WAPL: variants seen among roughly 807,000 people sequenced by gnomAD.
WAPL encodes wings apart-like protein homolog.
A neutral mutation model predicts 121.0 loss-of-function variants in WAPL; 5 were observed. The ratio of observed to expected loss-of-function variants is 0.04; its 90% CI spans 0.02 to 0.09. The LOEUF (loss-of-function observed/expected upper bound fraction) is 0.09, where lower values mean the gene tolerates loss of function less well. Ranked by LOEUF, WAPL falls within the 10% of genes least tolerant of loss-of-function variation. The probability of loss-of-function intolerance (pLI) is 1.00; values close to 1 mark genes in which losing one functional copy is unlikely to be tolerated. For missense variants in WAPL, 999 were observed against 1,410.8 expected (o/e 0.71, Z 4.68); for synonymous variants, 480 against 481.5 (o/e 1.00, Z 0.04).
Position 86,500,029 on chromosome 10 carries a change from G to A in WAPL, c.1214C>T (p.Ala405Val), listed in dbSNP as rs367842453. ...AGRLRKKADIATSKTTTRFRP... is the reference protein window; with the variant it reads ...AGRLRKKADIVTSKTTTRFRP... The stretch of plus-strand genomic sequence containing the variant: ...AAATCTAGTAGTAGTCTTAGAAGTT[G>A]CAATATCTGCCTTTTTTCTGAGACG... The change falls in exon 3 of 19, where the codon GCA becomes GTA. Residue 405 changes from alanine to valine, a missense_variant. Around this residue, in one of 7 missense-constraint regions of WAPL, gnomAD observed 531 missense variants for 563.1 expected, o/e 0.94. Coordinates refer to ENST00000298767, the MANE Select transcript of WAPL (RefSeq NM_015045.5). 1 of 1,613,992 alleles carries A rather than the reference G, an allele frequency of 6.2e-7. No homozygotes were observed. Among genetic ancestry groups the A allele is most frequent in the African/African-American group, 1.3e-5 (1 of 74,906 alleles).
intron 2 of WAPL, among the ~76,000 whole-genome samples, chr10:86,515,765 C>T (rs560988528): frequency 5.1e-4 from 77 of 151,094 alleles, no homozygotes; most frequent in Non-Finnish European, 8.4e-4. Context: ...CTGGGCAACA[C>T]AGCGAGACTG....
intron 4 of WAPL, among the ~76,000 whole-genome samples, chr10:86,481,629 T>G (rs982925488): frequency 2.6e-5 from 4 of 152,114 alleles, no homozygotes; most frequent in African/African-American, 9.7e-5. Flanking sequence ...TGCTTTGGCA[T>G]CCCAAAGAGC....
intron 15 of WAPL, among the ~76,000 whole-genome samples, chr10:86,447,194 A>G (rs1849644706): frequency 6.6e-6 from 1 of 152,242 alleles, no homozygotes; most frequent in Admixed American, 6.5e-5. Context: ...CTGCTCTAAC[A>G]GCTAATGTAA....
chr10:86,470,558 C>T (rs1841514112), intron 8 of WAPL, among the ~76,000 whole-genome samples: 1 of 152,132 alleles, frequency 6.6e-6, no homozygotes, highest in South Asian at 2.1e-4. Context: ...TATTCCTTAT[C>T]ACAATGAGGC....
chr10:86,455,540 C>T (rs1487202593), intron 12 of WAPL, among the ~76,000 whole-genome samples: 1 of 151,910 alleles, frequency 6.6e-6, no homozygotes, highest in African/African-American at 2.4e-5. Context: ...GACACAAACA[C>T]AAGGAAGGCC....
chr10:86,514,855 AC>A (rs1198773167), intron 2 of WAPL, among the ~76,000 whole-genome samples: 3 of 152,202 alleles, frequency 2.0e-5, no homozygotes, highest in African/African-American at 7.2e-5. Flanking sequence ...TCCTCAAAAG[AC>A]CATACACTTA....
intron 4 of WAPL, among the ~76,000 whole-genome samples, chr10:86,474,353 A>G (rs759323124): frequency 9.9e-5 from 15 of 152,020 alleles, no homozygotes; most frequent in Non-Finnish European, 2.1e-4. Context: ...ATCTCTACTA[A>G]AAATAAAAAA....
intron 10 of WAPL, 123 bp downstream of exon 10, chr10:86,461,052 TA>T: frequency 2.4e-6 from 2 of 821,930 alleles, no homozygotes; most frequent in Non-Finnish European, 3.6e-6. Flanking sequence ...AGGATGCAAC[TA>T]AAAAATAATA....
chr10:86,457,687 C>T (rs888915642), intron 12 of WAPL, among the ~76,000 whole-genome samples: 5 of 151,502 alleles, frequency 3.3e-5, no homozygotes, highest in South Asian at 2.1e-4. Context: ...ATGCAAGATA[C>T]AAAACGTACA....
intron 4 of WAPL, among the ~76,000 whole-genome samples, chr10:86,476,713 G>T (rs1293430404): frequency 2.7e-5 from 4 of 149,792 alleles, no homozygotes; most frequent in Non-Finnish European, 5.9e-5. Context: ...AAAGTGCTTT[G>T]TAAGTATTAA....
At chr10:86,460,332 C>G (rs1841240454) in intron 11 of WAPL, 67 bp downstream of exon 11, 1 of 1,294,826 alleles carries the variant, frequency 7.7e-7, no homozygotes, top group African/African-American at 1.5e-5. Context: ...ATTTGGCAGT[C>G]TCTCTCTTAC....
chr10:86,443,428 C>T, intron 16 of WAPL, 65 bp from the exon 17 acceptor site: 1 of 1,414,610 alleles, frequency 7.1e-7, no homozygotes, highest in South Asian at 1.2e-5. Flanking sequence ...CAAAACCAAC[C>T]ATTCTGTTAG....
chr10:86,499,604 G>T, intron 3 of WAPL, 114 bp downstream of exon 3: 2 of 1,024,718 alleles, frequency 2.0e-6, no homozygotes, highest in Middle Eastern at 2.8e-4. Context: ...TTATTATACT[G>T]TACTCACCTC....
chr10:86,507,937 A>C (rs997047688), intron 2 of WAPL, among the ~76,000 whole-genome samples: 2 of 152,072 alleles, frequency 1.3e-5, no homozygotes, highest in South Asian at 2.1e-4. Flanking sequence ...TTGCTTCTCT[A>C]TCTCTTCATT....
At chr10:86,452,924 C>G (rs1246855787) in intron 14 of WAPL, among the ~76,000 whole-genome samples, 1 of 149,248 alleles carries the variant, frequency 6.7e-6, no homozygotes, top group Admixed American at 6.7e-5. Flanking sequence ...CCTACAGTCC[C>G]AGCACCTGGA....
chr10:86,472,097 TACTACCCCATCA>T lies in WAPL; in HGVS notation c.2030+99_2030+110del, dbSNP rs1379395469. ...ATTTTAACATATCACTGGCTATACA[TACTACCCCATCA>T]TAACAAAATAAAAAATGTTTGGCTT... On this transcript the variant is annotated intron_variant, in intron 7 of 18. Transcript: ENST00000298767. This position sits in a 1 kb window ranked among gnomAD's most constrained non-coding sequence, Gnocchi z 4.2. 3.7e-5 allele frequency: 37 copies of T among 999,082 alleles called. No homozygotes were observed. Among genetic ancestry groups the T allele is most frequent in the Non-Finnish European group, 5.1e-5 (36 of 702,566 alleles). The allele number at this position is 999,082 out of a possible 1,614,324, so 61.9% of individuals were successfully genotyped here. A position where few individuals can be genotyped will look rare whatever the true frequency, so the allele number is the denominator to read the frequency against.
chr10:86,494,841 T>C (rs1842120977), intron 4 of WAPL, among the ~76,000 whole-genome samples: 1 of 152,130 alleles, frequency 6.6e-6, no homozygotes, highest in Non-Finnish European at 1.5e-5. Flanking sequence ...TTCTTGAGTT[T>C]TGGGGTAGTA....
chr10:86,453,013 C>T (rs146480034), intron 14 of WAPL, among the ~76,000 whole-genome samples: 4,866 of 82,064 alleles, frequency 0.059, 119 homozygotes, highest in Middle Eastern at 0.24. Context: ...TAGACTCCAT[C>T]TCCCAAAAAA....
chr10:86,470,940 G>C lies in WAPL; in HGVS notation c.2142+52C>G, dbSNP rs373177866. The C allele has an allele frequency of 2.4e-5, 34 of 1,432,078 alleles. No individual in the cohort carries two copies. The African/African-American group carries it at 3.9e-4, about 17-fold the overall frequency. 88.7% of individuals were successfully genotyped at this position (1,432,078 alleles called of 1,614,324 possible). ...TGAAGATATTTTTGATAGCCAAATA[G>C]ACTAGTAGTTTTCAACATAAGGCTT... On this transcript the variant is annotated intron_variant, in intron 8 of 18. Transcript: ENST00000298767.
Sources: gnomAD v4.1 joint callset for allele counts (sites outside exome capture counted in the v4.1 genomes callset) on GRCh38, gnomAD v4.1.1 for gene constraint, gnomAD v4.1.1 regional missense constraint, Gnocchi (gnomAD v3.1) non-coding constraint, MANE v1.5 for transcripts, NCBI Gene and HGNC (gene_info 2026-07-23, HGNC 2026-07-21) for gene names.